PRPF8: variants seen among roughly 807,000 people sequenced by gnomAD.
PRPF8 encodes pre-mRNA-processing-splicing factor 8.
In PRPF8, 64 loss-of-function variants were observed where a neutral mutation model predicts 285.9. That is an observed-to-expected ratio of 0.22 (90% confidence interval 0.18 to 0.28). PRPF8 has a LOEUF of 0.28. Among genes scored for constraint, PRPF8 ranks in the 10% least tolerant of loss-of-function variants. PRPF8 has a pLI of 1.00. For missense variants in PRPF8, 1,426 were observed against 3,026.7 expected, an observed-to-expected ratio of 0.47 and a Z score of 12.41; for synonymous variants, 1,325 against 1,118.2, an observed-to-expected ratio of 1.18 and a Z score of -3.69.
intron 3 of PRPF8, chr17:1,683,208 G>A (rs1195561189): frequency 1.3e-5 from 5 of 375,468 alleles, no homozygotes; most frequent in South Asian, 2.2e-5. Flanking sequence ...TGTTAGCCAG[G>A]ATGGTCTCGA....
At position 1,676,441 on chromosome 17, in the gene PRPF8, C is replaced by G; in HGVS notation, c.2388+64G>C. On this transcript the variant is annotated intron_variant, in intron 16 of 42. Coordinates refer to ENST00000304992, the MANE Select transcript of PRPF8 (RefSeq NM_006445.4). The surrounding 1 kb of genome is among the most constrained non-coding windows in gnomAD (Gnocchi z 6.3). The stretch of plus-strand genomic sequence containing the variant: ...GCCAGAACAAGGTTCAGTCACAACT[C>G]TACAGTCCTCCCTCTTGCCCACTCC... 6.2e-7 allele frequency: 1 copy of G among 1,613,962 alleles called. No homozygotes were observed. Among genetic ancestry groups the G allele is most frequent in the South Asian group, 1.1e-5 (1 of 91,078 alleles).
In PRPF8 at chr17:1,681,658, T is replaced by C. The variant is rs767465437; in HGVS notation, c.686A>G (p.Gln229Arg). The change falls in exon 6 of 43, where the codon CAG becomes CGG. Residue 229 changes from glutamine to arginine, a missense_variant. This residue lies in a region of PRPF8 where 157 missense variants were observed against 159.6 expected (regional missense o/e 0.98). Coordinates refer to ENST00000304992, the MANE Select transcript of PRPF8 (RefSeq NM_006445.4). Reference protein sequence around the residue: ...YVNGSTYQRWQFTLPMMSTLY... With the variant: ...YVNGSTYQRWRFTLPMMSTLY... ...AGTCGACATCATAGGTAGTGTGAAC[T>C]GCCAGCGCTGGTAAGTGGAGCCATT... 1 of 1,614,108 alleles carries C rather than the reference T, an allele frequency of 6.2e-7. No homozygotes were observed. The highest frequency in any genetic ancestry group is 8.5e-7 in the Non-Finnish European group (1 of 1,180,014).
chr17:1,679,393 G>A lies in PRPF8; in HGVS notation c.1307C>T (p.Pro436Leu). Residue 436 changes from proline to leucine, a missense_variant, in exon 10 of 43, where the codon CCT (proline) becomes CTT (leucine). By Grantham distance (98) the Pro-to-Leu change is moderately conservative (BLOSUM62 -3). Coordinates refer to ENST00000304992, the MANE Select transcript of PRPF8 (RefSeq NM_006445.4). The surrounding 1 kb of genome is among the most constrained non-coding windows in gnomAD (Gnocchi z 4.7). ...LVKNWYREHC[P>L]AGQPVKVRVS... ...CCTCACTTTCACAGGCTGCCCGGCA[G>A]GACAATGCTCCCGATACCTGGAAAA... 1 of 1,612,982 alleles carries A rather than the reference G, an allele frequency of 6.2e-7. No individual in the cohort carries two copies. Among genetic ancestry groups the A allele is most frequent in the Non-Finnish European group, 8.5e-7 (1 of 1,179,996 alleles).
chr17:1,659,717 A>G lies in PRPF8; in HGVS notation c.4946+124T>C. 1 of 1,396,888 alleles carries G rather than the reference A, an allele frequency of 7.2e-7. No homozygotes were observed. Among genetic ancestry groups the G allele is most frequent in the Admixed American group, 2.0e-5 (1 of 50,942 alleles). The allele number at this position is 1,396,888 out of a possible 1,614,324, so 86.5% of individuals were successfully genotyped here. On this transcript the variant is annotated intron_variant, in intron 31 of 42. Coordinates refer to ENST00000304992, the MANE Select transcript of PRPF8 (RefSeq NM_006445.4). This position sits in a 1 kb window ranked among gnomAD's most constrained non-coding sequence, Gnocchi z 5.1. ...CTGACTAAGGGTGTTGACAGGCTCC[A>G]AGCGTAGCACTGGCTCCAAGTTTGA...
chr17:1,674,210 G>A (rs1359406110), intron 21 of PRPF8, among the ~76,000 whole-genome samples: 1 of 152,076 alleles, frequency 6.6e-6, no homozygotes, highest in Admixed American at 6.6e-5. Flanking sequence ...TTTTAGTAGA[G>A]ACGGGGTTTC....
In PRPF8 at chr17:1,655,472, C is replaced by T. The variant is rs372176601; in HGVS notation, c.5865G>A (p.Lys1955=). ...VNNDRAKVIL[K]PDKTTITEPH... Reference sequence around the variant, plus strand: ...GTTCTGTAATAGTAGTCTTGTCTGGCTTCAGGATCACTTTTGCCCGATCGT... The same window carrying T: ...GTTCTGTAATAGTAGTCTTGTCTGGTTTCAGGATCACTTTTGCCCGATCGT... The change falls in exon 37 of 43, where the codon AAG becomes AAA. Residue 1955 remains lysine, a synonymous_variant. Coordinates refer to ENST00000304992, the MANE Select transcript of PRPF8 (RefSeq NM_006445.4). The T allele has an allele frequency of 3.1e-6, 5 of 1,613,976 alleles. No homozygotes were observed. The African/African-American group carries it at 6.7e-5, about 22-fold the overall frequency.
At position 1,660,008 on chromosome 17, in the gene PRPF8, G is replaced by C; in HGVS notation, c.4786-7C>G. ...CAAGTTCCTGGTCAAACACCTGAAG[G>C]AAAACATGGAGAGATTAAGACTTGT... On this transcript the variant is annotated splice_polypyrimidine_tract_variant and splice_region_variant and intron_variant, in intron 30 of 42. Coordinates refer to ENST00000304992, the MANE Select transcript of PRPF8 (RefSeq NM_006445.4). 1 of 1,613,872 alleles carries C rather than the reference G, an allele frequency of 6.2e-7. No individual in the cohort carries two copies. Among genetic ancestry groups the C allele is most frequent in the Non-Finnish European group, 8.5e-7 (1 of 1,179,764 alleles).
rs576511380 is a variant in PRPF8 at position 1,659,779 on chromosome 17, G to A, written c.4946+62C>T. ...ACAGGACAATTCCTAAAGTTGCAGGGCTAGAAGAACAGGAAAACGAAAGTG... is the reference window on the plus strand; with the variant it reads ...ACAGGACAATTCCTAAAGTTGCAGGACTAGAAGAACAGGAAAACGAAAGTG... On this transcript the variant is annotated intron_variant, in intron 31 of 42. Coordinates refer to ENST00000304992, the MANE Select transcript of PRPF8 (RefSeq NM_006445.4). This position sits in a 1 kb window ranked among gnomAD's most constrained non-coding sequence, Gnocchi z 5.1. 4 of 1,581,148 alleles carry A rather than the reference G, an allele frequency of 2.5e-6. No homozygotes were observed. The African/African-American group carries it at 5.4e-5, about 21-fold the overall frequency.
At position 1,673,767 on chromosome 17, in the gene PRPF8, A is replaced by T; in HGVS notation, c.3425T>A (p.Leu1142His). 1 of 1,614,076 alleles carries T rather than the reference A, an allele frequency of 6.2e-7. No individual in the cohort carries two copies. The highest frequency in any genetic ancestry group is 8.5e-7 in the Non-Finnish European group (1 of 1,180,026). The change falls in exon 22 of 43, where the codon CTC becomes CAC. Residue 1142 changes from leucine (L) to histidine (H), a missense_variant. This residue lies in a region of PRPF8 where 148 missense variants were observed against 196.2 expected (regional missense o/e 0.75). Transcript: ENST00000304992. The surrounding 1 kb of genome is among the most constrained non-coding windows in gnomAD (Gnocchi z 5.5). ...TCACAAGTTAACATCATGTTTCATG[A>T]GGCGCATGCGGGCATCTCGGGGCCA... ...KCWPRDARMR[L>H]MKHDVNLGRA... is the part of the protein sequence containing the mutation.
chr17:1,674,153 G>A (rs2151126525), intron 21 of PRPF8, among the ~76,000 whole-genome samples: 1 of 152,304 alleles, frequency 6.6e-6, no homozygotes, highest in South Asian at 2.1e-4. Flanking sequence ...CTCCGGAGTA[G>A]CTGGGACTAC....
Position 1,651,028 on chromosome 17 carries a change from G to C in PRPF8, c.6854-72C>G. The C allele has an allele frequency of 6.2e-7, 1 of 1,613,870 alleles. No homozygotes were observed. The highest frequency in any genetic ancestry group is 8.5e-7 in the Non-Finnish European group (1 of 1,179,748). On this transcript the variant is annotated intron_variant, in intron 42 of 42. Coordinates refer to ENST00000304992, the MANE Select transcript of PRPF8 (RefSeq NM_006445.4). The surrounding 1 kb of genome is among the most constrained non-coding windows in gnomAD (Gnocchi z 5.1). ...TGCAGCCTGCGCCACCTCCAAGCCA[G>C]CCAGGCCCCAAGTGCAAAGGGCGAT...
chr17:1,679,755 C>A lies in PRPF8; in HGVS notation c.1143G>T (p.Pro381=). ...CCTTCAGGAAGGGCTCCACAAACTCCGGGAGCTCAAATTCCTCATCATCAT... is the reference window on the plus strand; with the variant it reads ...CCTTCAGGAAGGGCTCCACAAACTCAGGGAGCTCAAATTCCTCATCATCAT... ...LPDDDEEFEL[P]EFVEPFLKDT... Residue 381 remains proline, a synonymous_variant, in exon 9 of 43, where the codon CCG becomes CCT. Coordinates refer to ENST00000304992, the MANE Select transcript of PRPF8 (RefSeq NM_006445.4). This position sits in a 1 kb window ranked among gnomAD's most constrained non-coding sequence, Gnocchi z 4.7. The A allele has an allele frequency of 6.2e-7, 1 of 1,614,138 alleles. No homozygotes were observed. The highest frequency in any genetic ancestry group is 8.5e-7 in the Non-Finnish European group (1 of 1,180,034).
At chr17:1,666,848 T>C (rs1056657574) in intron 24 of PRPF8, among the ~76,000 whole-genome samples, 4 of 152,010 alleles carry the variant, frequency 2.6e-5, no homozygotes, top group East Asian at 1.9e-4. Context: ...GCATCTCGCA[T>C]GTCCACAGGA....
In PRPF8 at chr17:1,656,556, G is replaced by A. The variant is rs1417843791; in HGVS notation, c.5629C>T (p.Leu1877=). The change falls in exon 36 of 43, where the codon CTG becomes TTG. Residue 1877 remains leucine, a synonymous_variant. Transcript: ENST00000304992. ...GMLDPLEVHL[L]DFPNIVIKGS... ...TTGATGACAATATTGGGGAAGTCCAGTAAGTGCACCTAAGACAAGATCAAG... is the reference window on the plus strand; with the variant it reads ...TTGATGACAATATTGGGGAAGTCCAATAAGTGCACCTAAGACAAGATCAAG... 6.2e-7 allele frequency: 1 copy of A among 1,614,186 alleles called. No homozygotes were observed. Among genetic ancestry groups the A allele is most frequent in the Non-Finnish European group, 8.5e-7 (1 of 1,180,032 alleles).
Position 1,673,206 on chromosome 17 carries a change from CAA to C in PRPF8, c.3658-11_3658-10del. ...GTGCGCTCCTTAGTAACCTAAACCACAAAGTCAAGGTTAACATGTCCGAGGAA... is the reference window on the plus strand; with the variant it reads ...GTGCGCTCCTTAGTAACCTAAACCACAGTCAAGGTTAACATGTCCGAGGAA... On this transcript the variant is annotated splice_polypyrimidine_tract_variant and intron_variant, in intron 23 of 42. Coordinates refer to ENST00000304992, the MANE Select transcript of PRPF8 (RefSeq NM_006445.4). The surrounding 1 kb of genome is among the most constrained non-coding windows in gnomAD (Gnocchi z 5.5). The C allele has an allele frequency of 6.2e-7, 1 of 1,613,308 alleles. No homozygotes were observed. Among genetic ancestry groups the C allele is most frequent in the Non-Finnish European group, 8.5e-7 (1 of 1,179,230 alleles).
Position 1,684,789 on chromosome 17 carries a change from C to A in PRPF8, c.-21G>T. ...AACGCCTGCCACGCACCCCACAGGC[C>A]CTCACACAAGAGGCCGCTTTCCCCG... On this transcript the variant is annotated 5_prime_UTR_variant, in exon 1 of 43. Coordinates refer to ENST00000304992, the MANE Select transcript of PRPF8 (RefSeq NM_006445.4). The A allele has an allele frequency of 1.7e-6, 1 of 605,822 alleles. No homozygotes were observed. The highest frequency in any genetic ancestry group is 2.9e-5 in the Admixed American group (1 of 34,410). The allele number at this position is 605,822 out of a possible 1,614,324, so 37.5% of individuals were successfully genotyped here. A position where few individuals can be genotyped will look rare whatever the true frequency, so the allele number is the denominator to read the frequency against.
At position 1,681,850 on chromosome 17, in the gene PRPF8, T is replaced by C. The variant is rs1335593452; in HGVS notation, c.623A>G (p.Tyr208Cys). The C allele has an allele frequency of 1.4e-5, 23 of 1,613,876 alleles. No individual in the cohort carries two copies. Among genetic ancestry groups the C allele is most frequent in the African/African-American group, 4.0e-5 (3 of 74,828 alleles). The change falls in exon 5 of 43, where the codon TAT (tyrosine) becomes TGT (cysteine). Residue 208 changes from tyrosine to cysteine, a missense_variant. By Grantham distance (194) the Tyr-to-Cys change is radical. Coordinates refer to ENST00000304992, the MANE Select transcript of PRPF8 (RefSeq NM_006445.4). Reference protein sequence around the residue: ...EEDAPVLDWFYDHQPLRDSRK... With the variant: ...EEDAPVLDWFCDHQPLRDSRK... ...GCTGTCCCTCAACGGCTGGTGGTCA[T>C]AGAACCAGTCCAACACAGGGGCGTC...
In PRPF8 at chr17:1,651,630, T is replaced by C; in HGVS notation, c.6510+18A>G. The C allele has an allele frequency of 1.2e-6, 2 of 1,614,096 alleles. No individual in the cohort carries two copies. Among genetic ancestry groups the C allele is most frequent in the Non-Finnish European group, 1.7e-6 (2 of 1,180,032 alleles). On this transcript the variant is annotated intron_variant, in intron 40 of 42. Coordinates refer to ENST00000304992, the MANE Select transcript of PRPF8 (RefSeq NM_006445.4). The surrounding 1 kb of genome is among the most constrained non-coding windows in gnomAD (Gnocchi z 5.1). Reference sequence around the variant, plus strand: ...CACCAGCTTTTCCACACTCCCAGGCTCCATCACTCCCCATTACCTTGAGGT... The same window carrying C: ...CACCAGCTTTTCCACACTCCCAGGCCCCATCACTCCCCATTACCTTGAGGT...
chr17:1,682,275 G>C lies in PRPF8; in HGVS notation c.288C>G (p.Pro96=), dbSNP rs1567692960. 4 of 1,614,120 alleles carry C rather than the reference G, an allele frequency of 2.5e-6. No individual in the cohort carries two copies. The South Asian group carries it at 3.3e-5, about 13-fold the overall frequency. Residue 96 remains proline (P), a synonymous_variant, in exon 4 of 43, where the codon CCC becomes CCG. Coordinates refer to ENST00000304992, the MANE Select transcript of PRPF8 (RefSeq NM_006445.4). ...TCTCCAGGAGTTTGAGGACTGCGTG[G>C]GGCATGTACTTTAGGGCACTGGCAC... ...RVYLGALKYM[P]HAVLKLLENM...
Sources: gnomAD v4.1 joint callset for allele counts (sites outside exome capture counted in the v4.1 genomes callset) on GRCh38, gnomAD v4.1.1 for gene constraint, gnomAD v4.1.1 regional missense constraint, Gnocchi (gnomAD v3.1) non-coding constraint, MANE v1.5 for transcripts, NCBI Gene and HGNC (gene_info 2026-07-23, HGNC 2026-07-21) for gene names.